ANKRD30A: variants seen among roughly 807,000 people sequenced by gnomAD.
ANKRD30A encodes ankyrin repeat domain 30A.
In ANKRD30A, 170 loss-of-function variants were observed where a neutral mutation model predicts 166.3. That is an observed-to-expected ratio of 1.02 (90% confidence interval 0.90 to 1.16). ANKRD30A has a LOEUF of 1.16. ANKRD30A is among the 50% of genes most tolerant of loss of function. The pLI, the probability that ANKRD30A is intolerant of heterozygous loss-of-function variation, is 0.00. For synonymous variants in ANKRD30A, 564 were observed against 508.9 expected (o/e 1.11, Z -1.46); for missense variants, 1,630 against 1,518.0 (o/e 1.07, Z -1.23).
the ANKRD30A span, among the ~76,000 whole-genome samples, chr10:37,250,519 C>T: frequency 6.6e-6 from 1 of 152,102 alleles, no homozygotes; most frequent in Non-Finnish European, 1.5e-5. Flanking sequence ...TGGTAACGTC[C>T]TACTGTGATC....
chr10:37,193,924 G>A (rs1840823435), intron 27 of ANKRD30A, among the ~76,000 whole-genome samples: 1 of 152,154 alleles, frequency 6.6e-6, no homozygotes, highest in African/African-American at 2.4e-5. Context: ...GCCGTGCACG[G>A]TGGCACGTGC....
At chr10:37,246,899 A>C in the ANKRD30A span, among the ~76,000 whole-genome samples, 53 of 152,218 alleles carry the variant, frequency 3.5e-4, no homozygotes, top group African/African-American at 1.3e-3. Flanking sequence ...ATAATAAAAA[A>C]TGTCTCCAGA....
At chr10:37,249,771 A>T in the ANKRD30A span, among the ~76,000 whole-genome samples, 1 of 152,222 alleles carries the variant, frequency 6.6e-6, no homozygotes, top group South Asian at 2.1e-4. Context: ...TTGAAAACTA[A>T]ATTGTAAAGG....
chr10:37,158,870 G>A (rs1206910631), intron 15 of ANKRD30A, among the ~76,000 whole-genome samples: 2 of 152,156 alleles, frequency 1.3e-5, no homozygotes, highest in African/African-American at 2.4e-5. Flanking sequence ...TGGTTTTAAG[G>A]CAGGTGAATT....
chr10:37,148,724 A>G (rs1371651943), intron 9 of ANKRD30A, among the ~76,000 whole-genome samples: 2 of 152,074 alleles, frequency 1.3e-5, no homozygotes, highest in Non-Finnish European at 2.9e-5. Flanking sequence ...CATGACAAAT[A>G]TATATTTGGT....
chr10:37,157,126 T>A (rs1340963969), intron 13 of ANKRD30A, among the ~76,000 whole-genome samples: 1 of 152,224 alleles, frequency 6.6e-6, no homozygotes. Flanking sequence ...AGACATGAGA[T>A]CTATTTCTAT....
At chr10:37,230,865 C>CA (rs942302197) in intron 34 of ANKRD30A, among the ~76,000 whole-genome samples, 8 of 152,170 alleles carry the variant, frequency 5.3e-5, no homozygotes, top group African/African-American at 1.9e-4. Flanking sequence ...GTGTGGAAGA[C>CA]AGAAGGCACA....
chr10:37,253,026 A>G, the ANKRD30A span, among the ~76,000 whole-genome samples: 1 of 152,230 alleles, frequency 6.6e-6, no homozygotes, highest in Non-Finnish European at 1.5e-5. Flanking sequence ...TTAAATCATA[A>G]CTGCAAAATT....
At chr10:37,224,498 T>C (rs1286140095) in intron 34 of ANKRD30A, among the ~76,000 whole-genome samples, 1 of 150,730 alleles carries the variant, frequency 6.6e-6, no homozygotes, top group Non-Finnish European at 1.5e-5. Flanking sequence ...ATATATTATA[T>C]GTATATACAT....
the ANKRD30A span, among the ~76,000 whole-genome samples, chr10:37,254,017 CT>C: frequency 6.6e-6 from 1 of 152,124 alleles, no homozygotes; most frequent in Non-Finnish European, 1.5e-5. Flanking sequence ...TGTTTATGAC[CT>C]AATAAGTTTG....
At chr10:37,149,609 ATACT>A (rs1468395333) in intron 9 of ANKRD30A, 38 bp from the exon 10 acceptor site, 6 of 1,599,004 alleles carry the variant, frequency 3.8e-6, no homozygotes, top group African/African-American at 2.7e-5. Flanking sequence ...TGGCATTGTC[ATACT>A]TACTTATGAT....
rs770462419 is a variant in ANKRD30A at position 37,141,701 on chromosome 10, G to A, written c.821-17G>A. 6.2e-7 allele frequency: 1 copy of A among 1,610,728 alleles called. No homozygotes were observed. Among genetic ancestry groups the A allele is most frequent in the South Asian group, 1.1e-5 (1 of 90,814 alleles). On this transcript the variant is annotated splice_polypyrimidine_tract_variant and intron_variant, in intron 6 of 35. Coordinates refer to ENST00000361713, the MANE Select transcript of ANKRD30A (RefSeq NM_052997.3). ...ATTTAGTAGAAGGAAAATTTAACCA[G>A]ATTGTGTGTTTGGCAGAAGGAACAT...
intron 34 of ANKRD30A, among the ~76,000 whole-genome samples, chr10:37,228,155 G>T (rs557949519): frequency 6.6e-6 from 1 of 151,938 alleles, no homozygotes; most frequent in Non-Finnish European, 1.5e-5. Context: ...TTTCAGAAGT[G>T]CAGCACTAAA....
chr10:37,133,568 C>T (rs1836501688), intron 4 of ANKRD30A, among the ~76,000 whole-genome samples: 2 of 152,196 alleles, frequency 1.3e-5, no homozygotes, highest in Non-Finnish European at 2.9e-5. Flanking sequence ...ATTGCTGTCA[C>T]TTGTCTGACT....
At position 37,196,676 on chromosome 10, in the gene ANKRD30A, G is replaced by A. The variant is rs759648191; in HGVS notation, c.2615-605G>A. Among the ~76,000 whole-genome samples, 3 of 151,660 alleles carry A rather than the reference G, an allele frequency of 2.0e-5. No homozygotes were observed. The South Asian group carries it at 6.2e-4, about 32-fold the overall frequency. On this transcript the variant is annotated intron_variant, in intron 27 of 35. Coordinates refer to ENST00000361713, the MANE Select transcript of ANKRD30A (RefSeq NM_052997.3). ...TTAGTGTAGATTATTTCCATGATGAGTTTTACACATCTTCTTGCATGAGTG... is the reference window on the plus strand; with the variant it reads ...TTAGTGTAGATTATTTCCATGATGAATTTTACACATCTTCTTGCATGAGTG...
chr10:37,145,523 G>A (rs78413818), intron 8 of ANKRD30A, among the ~76,000 whole-genome samples: 2 of 53,518 alleles, frequency 3.7e-5, no homozygotes, highest in Admixed American at 1.8e-4. Context: ...AAAAAAAAAT[G>A]TGTGCTGAGT....
chr10:37,165,421 G>A (rs1392835808), intron 18 of ANKRD30A, among the ~76,000 whole-genome samples: 1 of 152,224 alleles, frequency 6.6e-6, no homozygotes, highest in Non-Finnish European at 1.5e-5. Flanking sequence ...AAATTCACAT[G>A]GGATCTGGAG....
At chr10:37,226,120 ATTTTAC>A (rs1843139018) in intron 34 of ANKRD30A, among the ~76,000 whole-genome samples, 1 of 150,512 alleles carries the variant, frequency 6.6e-6, no homozygotes, top group Non-Finnish European at 1.5e-5. Flanking sequence ...TATATATATA[ATTTTAC>A]TTTAAGTTCT....
At chr10:37,193,582 C>T (rs763504004) in intron 27 of ANKRD30A, among the ~76,000 whole-genome samples, 6 of 151,900 alleles carry the variant, frequency 3.9e-5, no homozygotes, top group Non-Finnish European at 8.8e-5. Flanking sequence ...TGCAGTGGTT[C>T]AAAGGCTGAT....
Sources: allele counts gnomAD v4.1 joint callset (sites outside exome capture counted in the v4.1 genomes callset), GRCh38; gene constraint gnomAD v4.1.1; transcripts MANE v1.5; gene names NCBI Gene and HGNC (gene_info 2026-07-23, HGNC 2026-07-21).